The following SP100 variants were observed in gnomAD, a reference collection of about 807,000 sequenced individuals.
The protein encoded by SP100 is nuclear autoantigen Sp-100.
A neutral mutation model predicts 130.0 loss-of-function variants in SP100; 84 were observed. That is an observed-to-expected ratio of 0.65 (90% CI 0.54 to 0.77). The LOEUF (loss-of-function observed/expected upper bound fraction) is 0.77, where lower values mean the gene tolerates loss of function less well. Among genes scored for constraint, SP100 ranks in the 30% least tolerant of loss-of-function variants. The probability of loss-of-function intolerance (pLI) is 0.00; values close to 1 mark genes in which losing one functional copy is unlikely to be tolerated. For synonymous variants in SP100, 331 were observed against 351.7 expected, an observed-to-expected ratio of 0.94 and a Z score of 0.66; for missense variants, 978 against 1,052.2, an observed-to-expected ratio of 0.93 and a Z score of 0.97.
intron 10 of SP100, among the ~76,000 whole-genome samples, chr2:230,462,822 A>C (rs1482922091): frequency 6.6e-6 from 1 of 152,242 alleles, no homozygotes; most frequent in Non-Finnish European, 1.5e-5. Flanking sequence ...TTTAAAACTA[A>C]CTAGTTGCTA....
rs770016277 is a variant in SP100 at position 230,515,628 on chromosome 2, T to C, written c.2094+4462T>C. 5.6e-6 allele frequency: 9 copies of C among 1,601,728 alleles called. No individual in the cohort carries two copies. In the South Asian group the frequency reaches 9.0e-5, roughly 16 times the overall value. On this transcript the variant is annotated intron_variant, in intron 24 of 28. Transcript: ENST00000340126. ...AACAAGAGGAGGAAAATGAAGAAGA[T>C]GATGATAAATAAGTTGCTTCTAGTG...
At chr2:230,452,434 C>T (rs1407330932) in intron 8 of SP100, among the ~76,000 whole-genome samples, 1 of 152,206 alleles carries the variant, frequency 6.6e-6, no homozygotes, top group African/African-American at 2.4e-5. Context: ...ACCTCAAACT[C>T]CTAGATGCTG....
intron 24 of SP100, among the ~76,000 whole-genome samples, chr2:230,522,950 G>A (rs1691246052): frequency 6.6e-6 from 1 of 151,876 alleles, no homozygotes; most frequent in Admixed American, 6.6e-5. Flanking sequence ...AAGTAGCTAG[G>A]ATTACAGGCA....
At chr2:230,473,984 G>A (rs1395434430) in intron 16 of SP100, among the ~76,000 whole-genome samples, 1 of 151,910 alleles carries the variant, frequency 6.6e-6, no homozygotes, top group Non-Finnish European at 1.5e-5. Flanking sequence ...CCTGCTACCT[G>A]TCAGGAAAGA....
At chr2:230,503,133 T>A (rs747128350) in intron 20 of SP100, 23 bp downstream of exon 20, 5 of 1,504,728 alleles carry the variant, frequency 3.3e-6, no homozygotes, top group South Asian at 1.2e-5. Flanking sequence ...GATCGATATG[T>A]TTTTCATAAT....
chr2:230,428,474 G>A (rs1298441959), intron 2 of SP100, among the ~76,000 whole-genome samples: 16 of 149,080 alleles, frequency 1.1e-4, no homozygotes, highest in African/African-American at 3.0e-4. Flanking sequence ...ACGGAGTCTC[G>A]CTCTGTCGCC....
rs1486565781 is a variant in SP100 at position 230,545,451 on chromosome 2, G to A, written c.*2505G>A. On this transcript the variant is annotated 3_prime_UTR_variant, in exon 29 of 29. Coordinates refer to ENST00000340126, the MANE Select transcript of SP100 (RefSeq NM_001080391.2). ...AGGGTGGAGGATGGGAAGAGGGAGAGGAGCAGAAAAAGTACCTATTGGTGA... is the reference window on the plus strand; with the variant it reads ...AGGGTGGAGGATGGGAAGAGGGAGAAGAGCAGAAAAAGTACCTATTGGTGA... Among the ~76,000 whole-genome samples, 1 of 152,000 alleles carries A rather than the reference G, an allele frequency of 6.6e-6. No individual in the cohort carries two copies. Among genetic ancestry groups the A allele is most frequent in the East Asian group, 1.9e-4 (1 of 5,182 alleles).
chr2:230,503,065 G>A lies in SP100; in HGVS notation c.1721-1G>A. On this transcript the variant is annotated splice_acceptor_variant, in intron 19 of 28. Transcript: ENST00000340126. LOFTEE classifies it high-confidence loss of function. The stretch of plus-strand genomic sequence containing the variant: ...TTTATGTTGTTTTTCAACTTTCTCA[G>A]GAAGAAAAGCCAACACTAGACCTTT... 6.3e-7 allele frequency: 1 copy of A among 1,596,764 alleles called. No homozygotes were observed.
At chr2:230,418,493 A>G (rs562743258) in intron 2 of SP100, among the ~76,000 whole-genome samples, 1 of 152,222 alleles carries the variant, frequency 6.6e-6, no homozygotes, top group South Asian at 2.1e-4. Context: ...CTTGTGTTCC[A>G]CGTGCCTGTG....
intron 24 of SP100, among the ~76,000 whole-genome samples, chr2:230,528,880 A>G (rs1575809798): frequency 6.6e-6 from 1 of 152,258 alleles, no homozygotes; most frequent in East Asian, 1.9e-4. Flanking sequence ...TAAACCAGGA[A>G]AAAGTTGAAT....
Position 230,540,858 on chromosome 2 carries a change from T to C in SP100, c.2211-18T>C. The C allele has an allele frequency of 6.2e-7, 1 of 1,606,902 alleles. No individual in the cohort carries two copies. Among genetic ancestry groups the C allele is most frequent in the Non-Finnish European group, 8.5e-7 (1 of 1,175,438 alleles). On this transcript the variant is annotated intron_variant, in intron 25 of 28. Coordinates refer to ENST00000340126, the MANE Select transcript of SP100 (RefSeq NM_001080391.2). ...TTCACAGAACCTGCCATTGCTCACT[T>C]TATGCCCCATCTCTCAGGAACCCGT...
intron 16 of SP100, among the ~76,000 whole-genome samples, 200 bp from the exon 17 acceptor site, chr2:230,474,194 G>A (rs1367100555): frequency 6.6e-6 from 1 of 152,170 alleles, no homozygotes; most frequent in Non-Finnish European, 1.5e-5. Flanking sequence ...AAGTAATGAA[G>A]AGCTGTTTCA....
chr2:230,463,771 A>T (rs959043777), intron 10 of SP100: 13 of 195,666 alleles, frequency 6.6e-5, no homozygotes, highest in Non-Finnish European at 1.1e-4. Flanking sequence ...CCCTGCATGA[A>T]AAATAGAAGC....
chr2:230,507,801 G>A (rs1690235155), intron 22 of SP100, among the ~76,000 whole-genome samples, 192 bp from the exon 23 acceptor site: 1 of 152,162 alleles, frequency 6.6e-6, no homozygotes, highest in Non-Finnish European at 1.5e-5. Context: ...GAAGTCATGA[G>A]GCCAGAGGAA....
intron 24 of SP100, among the ~76,000 whole-genome samples, chr2:230,523,566 G>C (rs1332251615): frequency 6.6e-6 from 1 of 152,074 alleles, no homozygotes; most frequent in African/African-American, 2.4e-5. Flanking sequence ...TATTTTTCAA[G>C]TTCATATGAC....
At chr2:230,439,326 C>A (rs1004922315) in intron 2 of SP100, among the ~76,000 whole-genome samples, 3 of 152,040 alleles carry the variant, frequency 2.0e-5, no homozygotes, top group Non-Finnish European at 1.5e-5. Context: ...TTTTCTAGTT[C>A]TGTGAATAAT....
At chr2:230,445,651 A>G (rs183253511) in intron 4 of SP100, among the ~76,000 whole-genome samples, 1 of 152,316 alleles carries the variant, frequency 6.6e-6, no homozygotes, top group African/African-American at 2.4e-5. Flanking sequence ...GAAAAGGAAT[A>G]AAAGGAAATC....
intron 8 of SP100, among the ~76,000 whole-genome samples, chr2:230,452,164 C>G (rs947487461): frequency 6.6e-6 from 1 of 151,880 alleles, no homozygotes; most frequent in African/African-American, 2.4e-5. Context: ...TTCTATTTCT[C>G]AAAAATGCCA....
At chr2:230,492,482 T>A (rs2066439394) in intron 17 of SP100, among the ~76,000 whole-genome samples, 1 of 152,134 alleles carries the variant, frequency 6.6e-6, no homozygotes, top group African/African-American at 2.4e-5. Flanking sequence ...TTTTTCAAAT[T>A]TTTTGTAGAG....
Sources: gnomAD v4.1 joint callset for allele counts (sites outside exome capture counted in the v4.1 genomes callset) on GRCh38, gnomAD v4.1.1 for gene constraint, MANE v1.5 for transcripts, NCBI Gene and HGNC (gene_info 2026-07-23, HGNC 2026-07-21) for gene names.